The following FAR1 variants were observed in gnomAD, a reference collection of about 807,000 sequenced individuals.
The protein encoded by FAR1 is fatty acyl-CoA reductase 1, also known as male sterility domain-containing protein 2.
In FAR1, 22 loss-of-function variants were observed where a neutral mutation model predicts 61.1. The ratio of observed to expected loss-of-function variants is 0.36; its 90% CI spans 0.26 to 0.51. The LOEUF (loss-of-function observed/expected upper bound fraction) is 0.51. Ranked by LOEUF, FAR1 falls within the 20% of genes least tolerant of loss-of-function variation. FAR1 has a pLI of 0.95. For missense variants in FAR1, 359 were observed against 626.9 expected (o/e 0.57, Z 4.56); for synonymous variants, 206 against 209.7 (o/e 0.98, Z 0.15).
intron 1 of FAR1, among the ~76,000 whole-genome samples, chr11:13,682,729 C>T (rs1848141853): frequency 6.6e-6 from 1 of 152,146 alleles, no homozygotes; most frequent in South Asian, 2.1e-4. Flanking sequence ...CCACCTCAGC[C>T]TCTCAAGTAG....
chr11:13,707,188 A>C (rs1398560916), intron 3 of FAR1, among the ~76,000 whole-genome samples: 2 of 152,144 alleles, frequency 1.3e-5, no homozygotes. Flanking sequence ...TAATTACATG[A>C]TGCTTCATTG....
chr11:13,670,835 C>A (rs1166521056), intron 1 of FAR1, among the ~76,000 whole-genome samples: 1 of 150,972 alleles, frequency 6.6e-6, no homozygotes, highest in Non-Finnish European at 1.5e-5. Context: ...AGACTGAGGT[C>A]AGAGAAGAGG....
chr11:13,691,434 ACATT>A (rs1293463058), intron 1 of FAR1, among the ~76,000 whole-genome samples: 1 of 152,226 alleles, frequency 6.6e-6, no homozygotes, highest in East Asian at 1.9e-4. Context: ...GGCATTTAGT[ACATT>A]CAGTGTTGTG....
Position 13,668,817 on chromosome 11 carries a change from G to T in FAR1, c.-8+11G>T. On this transcript the variant is annotated intron_variant, in intron 1 of 11. Coordinates refer to ENST00000354817, the MANE Select transcript of FAR1 (RefSeq NM_032228.6). Reference sequence around the variant, plus strand: ...AGCCTCTGCGTCTAGGTGAGAAGGGGGTGCGCCAGCGGGAGCGGCCGGGCT... The same window carrying T: ...AGCCTCTGCGTCTAGGTGAGAAGGGTGTGCGCCAGCGGGAGCGGCCGGGCT... 1 of 153,688 alleles carries T rather than the reference G, an allele frequency of 6.5e-6. No homozygotes were observed. Among genetic ancestry groups the T allele is most frequent in the South Asian group, 1.8e-4 (1 of 5,500 alleles). The allele number at this position is 153,688 out of a possible 1,614,324, so 9.5% of individuals were successfully genotyped here. A position where few individuals can be genotyped will look rare whatever the true frequency, so the allele number is the denominator to read the frequency against.
intron 9 of FAR1, 79 bp downstream of exon 9, chr11:13,714,759 A>G (rs1848537882): frequency 7.6e-7 from 1 of 1,312,652 alleles, no homozygotes; most frequent in African/African-American, 1.5e-5. Context: ...TTAACTCTGT[A>G]TTTGTTTATG....
intron 3 of FAR1, among the ~76,000 whole-genome samples, chr11:13,703,230 T>C (rs1017547383): frequency 3.9e-5 from 6 of 152,180 alleles, no homozygotes; most frequent in Admixed American, 6.5e-5. Context: ...TCGCCCAGGC[T>C]GAGAGTGCAG....
At chr11:13,722,852 CTCTCTCTA>C (rs1848626049) in intron 10 of FAR1, among the ~76,000 whole-genome samples, 1 of 141,532 alleles carries the variant, frequency 7.1e-6, no homozygotes, top group African/African-American at 2.6e-5. Flanking sequence ...CCCTCTCTCT[CTCTCTCTA>C]TATATATATA....
chr11:13,712,477 CTTAAACT>C (rs771309500), intron 7 of FAR1, among the ~76,000 whole-genome samples: 1 of 152,010 alleles, frequency 6.6e-6, no homozygotes, highest in Non-Finnish European at 1.5e-5. Flanking sequence ...ACAGGTAACA[CTTAAACT>C]TTAAACTTCC....
intron 1 of FAR1, among the ~76,000 whole-genome samples, chr11:13,671,399 A>G (rs1848002520): frequency 6.6e-6 from 1 of 152,234 alleles, no homozygotes; most frequent in African/African-American, 2.4e-5. Context: ...GTTGCAGCTT[A>G]GCTGATAAAT....
Position 13,721,810 on chromosome 11 carries a change from C to G in FAR1, c.1208C>G (p.Thr403Ser). 1.9e-6 allele frequency: 3 copies of G among 1,610,484 alleles called. No homozygotes were observed. The highest frequency in any genetic ancestry group is 2.5e-6 in the Non-Finnish European group (3 of 1,178,224). ...ACAAGTAATTCTTGGGTTTGGAATA[C>G]TGAGAATGTCAATATGTTAATGAAT... ...YFTSNSWVWN[T>S]ENVNMLMNQL... Residue 403 changes from threonine to serine, a missense_variant, in exon 10 of 12, where the codon ACT becomes AGT. Thr to Ser is a moderately conservative substitution (Grantham distance 58). Coordinates refer to ENST00000354817, the MANE Select transcript of FAR1 (RefSeq NM_032228.6). This position sits in a 1 kb window ranked among gnomAD's most constrained non-coding sequence, Gnocchi z 4.2.
chr11:13,708,728 C>G (rs12792918), intron 4 of FAR1, among the ~76,000 whole-genome samples: 4,882 of 152,034 alleles, frequency 0.032, 112 homozygotes, highest in Non-Finnish European at 0.047. Flanking sequence ...TAGCAAGGCT[C>G]TAATTTATCA....
In FAR1 at chr11:13,673,080, T is replaced by G. The variant is rs574289503; in HGVS notation, c.-8+4274T>G. On this transcript the variant is annotated intron_variant, in intron 1 of 11. Coordinates refer to ENST00000354817, the MANE Select transcript of FAR1 (RefSeq NM_032228.6). ...GATATAGCTGATCAACTTAAACACT[T>G]ATAAATTCACCATTGTTTTCGGTTC... Among the ~76,000 whole-genome samples, 8 of 152,330 alleles carry G rather than the reference T, an allele frequency of 5.3e-5. 1 individual carries two copies. In the South Asian group the frequency reaches 1.7e-3, roughly 32 times the overall value.
At chr11:13,715,706 G>A (rs554835466) in intron 9 of FAR1, 12 of 151,814 alleles carry the variant, frequency 7.9e-5, no homozygotes, top group Admixed American at 2.6e-4. Context: ...TTGAAATCCC[G>A]CAAACTTAAA....
intron 1 of FAR1, among the ~76,000 whole-genome samples, chr11:13,670,749 A>G (rs1258435379): frequency 6.8e-6 from 1 of 147,618 alleles, no homozygotes; most frequent in African/African-American, 2.5e-5. Context: ...AAGACATGGT[A>G]TGTATGCATC....
At chr11:13,702,611 C>T (rs1398624126) in intron 3 of FAR1, among the ~76,000 whole-genome samples, 2 of 152,080 alleles carry the variant, frequency 1.3e-5, no homozygotes, top group African/African-American at 4.8e-5. Context: ...TCAGTAAAGT[C>T]GATTTTTTCC....
intron 1 of FAR1, among the ~76,000 whole-genome samples, chr11:13,689,075 A>G (rs1195249153): frequency 1.3e-5 from 2 of 152,252 alleles, no homozygotes; most frequent in Admixed American, 1.3e-4. Flanking sequence ...CTGAGAAATC[A>G]ATCAAAATTA....
rs539913138 is a variant in FAR1 at position 13,673,454 on chromosome 11, G to A, written c.-8+4648G>A. Among the ~76,000 whole-genome samples, 12 of 152,304 alleles carry A rather than the reference G, an allele frequency of 7.9e-5. No homozygotes were observed. In the South Asian group the frequency reaches 2.3e-3, roughly 29 times the overall value. On this transcript the variant is annotated intron_variant, in intron 1 of 11. Coordinates refer to ENST00000354817, the MANE Select transcript of FAR1 (RefSeq NM_032228.6). ...AGAAGTTAGTAACTTTCCAAGGTTG[G>A]AGAGCTAAGTGACAGAGCTGGGATT... is the stretch of plus-strand genomic sequence containing the variant.
chr11:13,677,556 G>C lies in FAR1; in HGVS notation c.-8+8750G>C, dbSNP rs2134167849. ...AGGATCATTGACATCCAGGTTCAAA[G>C]AAGTTACTGCTTACATGACTGATCC... On this transcript the variant is annotated intron_variant, in intron 1 of 11. Transcript: ENST00000354817. 2.0e-5 allele frequency among the ~76,000 whole-genome samples: 3 copies of C among 152,338 alleles called. No homozygotes were observed. The South Asian group carries it at 6.2e-4, about 32-fold the overall frequency.
intron 1 of FAR1, among the ~76,000 whole-genome samples, chr11:13,684,356 A>G (rs912068773): frequency 3.9e-5 from 6 of 152,252 alleles, no homozygotes; most frequent in Non-Finnish European, 7.3e-5. Flanking sequence ...CTGAAATATT[A>G]CAGATCAGAC....
Sources: allele counts gnomAD v4.1 joint callset (sites outside exome capture counted in the v4.1 genomes callset), GRCh38; gene constraint gnomAD v4.1.1; non-coding constraint Gnocchi (gnomAD v3.1); transcripts MANE v1.5; gene names NCBI Gene and HGNC (gene_info 2026-07-23, HGNC 2026-07-21).